GASK1A: variants seen among roughly 807,000 people sequenced by gnomAD.
GASK1A encodes the protein golgi associated kinase 1A, also known as Golgi-associated kinase 1A.
Under a neutral mutation model 41.2 loss-of-function variants are expected in GASK1A, and 40 were observed. The observed-to-expected ratio is 0.97, with a 90% confidence interval of 0.75 to 1.27. The LOEUF is 1.27. GASK1A is among the 50% of genes most tolerant of loss of function. GASK1A has a pLI of 0.00. For missense variants in GASK1A, 678 were observed against 745.1 expected, an observed-to-expected ratio of 0.91 and a Z score of 1.05; for synonymous variants, 316 against 307.1, an observed-to-expected ratio of 1.03 and a Z score of -0.30.
chr3:43,002,194 G>A (rs908605381), intron 1 of GASK1A, among the ~76,000 whole-genome samples: 1 of 152,138 alleles, frequency 6.6e-6, no homozygotes, highest in Non-Finnish European at 1.5e-5. Flanking sequence ...ACCGACAGTC[G>A]CAGAGGCTGA....
At chr3:43,036,839 A>C (rs993261517) in intron 2 of GASK1A, among the ~76,000 whole-genome samples, 1 of 152,102 alleles carries the variant, frequency 6.6e-6, no homozygotes, top group African/African-American at 2.4e-5. Context: ...TTAAGAGAGG[A>C]CCCTGAGCTA....
chr3:43,010,994 C>T (rs2089460586), intron 1 of GASK1A, among the ~76,000 whole-genome samples: 1 of 152,188 alleles, frequency 6.6e-6, no homozygotes, highest in African/African-American at 2.4e-5. Context: ...CCCCTCTCCA[C>T]CCACCAACAA....
chr3:43,019,757 AACACACACACACACAC>A (rs148054172), intron 1 of GASK1A, among the ~76,000 whole-genome samples: 1 of 146,528 alleles, frequency 6.8e-6, no homozygotes, highest in African/African-American at 2.5e-5. Flanking sequence ...TTCCGTTTTT[AACACACACACACACAC>A]ACACACACAC....
intron 1 of GASK1A, among the ~76,000 whole-genome samples, chr3:42,997,435 A>G (rs200070631): frequency 1.6e-3 from 132 of 84,164 alleles, no homozygotes; most frequent in Admixed American, 6.0e-3. Flanking sequence ...AGAGACAGAG[A>G]GAGGGGGGGG....
chr3:42,980,897 T>G (rs1002249736), intron 1 of GASK1A, among the ~76,000 whole-genome samples: 1 of 152,110 alleles, frequency 6.6e-6, no homozygotes, highest in Non-Finnish European at 1.5e-5. Context: ...ATTCCCTGTT[T>G]AGGAGCAAGA....
At chr3:43,045,118 A>C (rs941040103) in intron 2 of GASK1A, among the ~76,000 whole-genome samples, 1 of 152,196 alleles carries the variant, frequency 6.6e-6, no homozygotes, top group African/African-American at 2.4e-5. Flanking sequence ...TCTTTGACAC[A>C]TATAGAATAT....
At chr3:43,025,975 T>C (rs2089545283) in intron 1 of GASK1A, among the ~76,000 whole-genome samples, 1 of 152,226 alleles carries the variant, frequency 6.6e-6, no homozygotes, top group South Asian at 2.1e-4. Flanking sequence ...GCAGCCAGTT[T>C]CATGCAGGTG....
intron 4 of GASK1A, 22 bp from the exon 5 acceptor site, chr3:43,056,154 G>C (rs1018751835): frequency 2.6e-5 from 40 of 1,523,440 alleles, no homozygotes; most frequent in Non-Finnish European, 3.2e-5. Flanking sequence ...TCTGTTACGG[G>C]GCTCTGGGGC....
intron 2 of GASK1A, among the ~76,000 whole-genome samples, chr3:43,036,912 C>T (rs561901574): frequency 3.3e-5 from 5 of 152,260 alleles, no homozygotes; most frequent in African/African-American, 1.2e-4. Context: ...AGCTGAGAAC[C>T]TAGCAAAACT....
chr3:43,036,720 C>T (rs923241824), intron 2 of GASK1A, among the ~76,000 whole-genome samples: 2 of 152,184 alleles, frequency 1.3e-5, no homozygotes, highest in African/African-American at 2.4e-5. Flanking sequence ...TAAACAGCCA[C>T]GTTATGAACT....
intron 2 of GASK1A, among the ~76,000 whole-genome samples, chr3:43,051,214 G>A (rs2089686793): frequency 6.6e-6 from 1 of 151,998 alleles, no homozygotes; most frequent in African/African-American, 2.4e-5. Flanking sequence ...TTCTTTATTT[G>A]CTTGTTTTAT....
chr3:43,007,813 T>A (rs1415675007), intron 1 of GASK1A, among the ~76,000 whole-genome samples: 1 of 152,228 alleles, frequency 6.6e-6, no homozygotes, highest in African/African-American at 2.4e-5. Flanking sequence ...CAGCATTACT[T>A]TTCTAAATCA....
At chr3:43,031,119 A>G (rs1248686636) in intron 1 of GASK1A, among the ~76,000 whole-genome samples, 1 of 152,228 alleles carries the variant, frequency 6.6e-6, no homozygotes, top group Non-Finnish European at 1.5e-5. Flanking sequence ...TGGTGGATTT[A>G]GTAAGTAAAC....
intron 2 of GASK1A, among the ~76,000 whole-genome samples, chr3:43,049,518 G>C (rs2089678374): frequency 1.3e-5 from 2 of 152,172 alleles, no homozygotes; most frequent in African/African-American, 2.4e-5. Context: ...TTGCTAATTG[G>C]CTTATCGCAT....
intron 2 of GASK1A, among the ~76,000 whole-genome samples, chr3:43,045,173 A>C (rs2089656250): frequency 6.6e-6 from 1 of 152,184 alleles, no homozygotes; most frequent in South Asian, 2.1e-4. Flanking sequence ...CTAGCCTGGG[A>C]GAGCAACCAG....
At chr3:43,039,740 A>C (rs140570425) in intron 2 of GASK1A, among the ~76,000 whole-genome samples, 1 of 151,846 alleles carries the variant, frequency 6.6e-6, no homozygotes, top group Admixed American at 6.6e-5. Context: ...CTTTGTGTCC[A>C]TGTGTATTCA....
At chr3:42,994,379 A>G (rs967612940) in intron 1 of GASK1A, among the ~76,000 whole-genome samples, 6 of 152,088 alleles carry the variant, frequency 3.9e-5, no homozygotes, top group Admixed American at 2.0e-4. Flanking sequence ...GGGAAGGCCA[A>G]TGCTGGGGAG....
At chr3:43,005,732 G>A (rs1382255599) in intron 1 of GASK1A, among the ~76,000 whole-genome samples, 1 of 152,210 alleles carries the variant, frequency 6.6e-6, no homozygotes, top group Non-Finnish European at 1.5e-5. Context: ...TCTGCAGTAA[G>A]AATGAATCTG....
At chr3:43,044,724 T>G (rs2089654313) in intron 2 of GASK1A, among the ~76,000 whole-genome samples, 1 of 152,150 alleles carries the variant, frequency 6.6e-6, no homozygotes, top group South Asian at 2.1e-4. Flanking sequence ...TTAGAATGAT[T>G]TTAGCACTTT....
Sources: gnomAD v4.1 joint callset for allele counts (sites outside exome capture counted in the v4.1 genomes callset) on GRCh38, gnomAD v4.1.1 for gene constraint, MANE v1.5 for transcripts, NCBI Gene and HGNC (gene_info 2026-07-23, HGNC 2026-07-21) for gene names.